The following CMYA5 variants were observed in gnomAD, a reference collection of about 807,000 sequenced individuals.
The protein encoded by CMYA5 is cardiomyopathy associated 5, also known as cardiomyopathy-associated protein 5.
Under a neutral mutation model 318.9 loss-of-function variants are expected in CMYA5, and 246 were observed. The observed-to-expected ratio is 0.77, with a 90% confidence interval of 0.70 to 0.86. CMYA5 has a LOEUF of 0.86. Among genes scored for constraint, CMYA5 ranks in the 40% least tolerant of loss-of-function variants. CMYA5 has a pLI of 0.00. For missense variants in CMYA5, 4,589 were observed against 4,678.2 expected (o/e 0.98, Z 0.56); for synonymous variants, 1,641 against 1,729.5 (o/e 0.95, Z 1.27).
At chr5:79,778,811 CTGTGTG>C (rs35461782) in intron 9 of CMYA5, among the ~76,000 whole-genome samples, 13 of 85,014 alleles carry the variant, frequency 1.5e-4, no homozygotes, top group African/African-American at 2.5e-4. Context: ...CTCTCTCTTT[CTGTGTG>C]TGTGTGTGTG....
intron 1 of CMYA5, among the ~76,000 whole-genome samples, chr5:79,703,313 G>A (rs529442604): frequency 2.6e-5 from 4 of 152,160 alleles, no homozygotes; most frequent in African/African-American, 4.8e-5. Context: ...ACCATATGAG[G>A]TTGAAGTTTT....
chr5:79,760,441 A>C (rs1228603979), intron 7 of CMYA5, among the ~76,000 whole-genome samples: 1 of 152,192 alleles, frequency 6.6e-6, no homozygotes, highest in Non-Finnish European at 1.5e-5. Context: ...TGGGTAATTT[A>C]TGAAGAAGAG....
chr5:79,755,264 C>A (rs1828504424), intron 6 of CMYA5, among the ~76,000 whole-genome samples: 1 of 151,936 alleles, frequency 6.6e-6, no homozygotes, highest in Admixed American at 6.6e-5. Flanking sequence ...CCTAAACTTT[C>A]ATTTTGGTAT....
At chr5:79,717,595 A>G (rs767698614) in intron 1 of CMYA5, among the ~76,000 whole-genome samples, 33 of 152,180 alleles carry the variant, frequency 2.2e-4, no homozygotes, top group Non-Finnish European at 4.3e-4. Flanking sequence ...AAAGGCATGA[A>G]GAGTGAAGCC....
intron 6 of CMYA5, among the ~76,000 whole-genome samples, chr5:79,755,968 C>G (rs965035249): frequency 6.6e-6 from 1 of 152,174 alleles, no homozygotes; most frequent in African/African-American, 2.4e-5. Flanking sequence ...AAAGCAGATA[C>G]AGCTCCATGT....
chr5:79,718,925 T>C (rs1354869682), intron 1 of CMYA5, among the ~76,000 whole-genome samples: 1 of 152,174 alleles, frequency 6.6e-6, no homozygotes, highest in Non-Finnish European at 1.5e-5. Flanking sequence ...AGTCTCTCTG[T>C]AATAGACTCT....
Position 79,732,620 on chromosome 5 carries a change from A to G in CMYA5, c.3855A>G (p.Leu1285=), listed in dbSNP as rs1227146397. Residue 1285 remains leucine, a synonymous_variant, in exon 2 of 13, where the codon CTA becomes CTG. Coordinates refer to ENST00000446378, the MANE Select transcript of CMYA5 (RefSeq NM_153610.5). Reference sequence around the variant, plus strand: ...AAGTAATAAAACCATATTCACCTCTAAAGGAAACATCTTTATCTGGACCTG... The same window carrying G: ...AAGTAATAAAACCATATTCACCTCTGAAGGAAACATCTTTATCTGGACCTG... The part of the protein sequence containing the change: ...EPEVIKPYSP[L]KETSLSGPEA... 1.9e-6 allele frequency: 3 copies of G among 1,613,268 alleles called. No individual in the cohort carries two copies. Among genetic ancestry groups the G allele is most frequent in the Non-Finnish European group, 2.5e-6 (3 of 1,179,668 alleles).
At chr5:79,755,615 G>A (rs1828513511) in intron 6 of CMYA5, among the ~76,000 whole-genome samples, 1 of 152,110 alleles carries the variant, frequency 6.6e-6, no homozygotes, top group Admixed American at 6.5e-5. Context: ...GTTTATTACT[G>A]TAAAAGTGTA....
In CMYA5 at chr5:79,736,476, G is replaced by C; in HGVS notation, c.7711G>C (p.Glu2571Gln). Residue 2571 changes from glutamate (E) to glutamine (Q), a missense_variant, in exon 2 of 13, where the codon GAA becomes CAA. By Grantham distance (29) the Glu-to-Gln change is conservative. Coordinates refer to ENST00000446378, the MANE Select transcript of CMYA5 (RefSeq NM_153610.5). ...SVNVAESMSR[E>Q]SDISLGHSLG... ...GAATGTAGCCGAGTCTATGAGTAGA[G>C]AATCAGATATCTCTTTAGGTCATTC... 6.2e-7 allele frequency: 1 copy of C among 1,610,918 alleles called. No individual in the cohort carries two copies. The highest frequency in any genetic ancestry group is 8.5e-7 in the Non-Finnish European group (1 of 1,178,294).
chr5:79,763,055 T>C lies in CMYA5; in HGVS notation c.11408-7T>C, dbSNP rs1315945331. The C allele has an allele frequency of 6.2e-7, 1 of 1,610,018 alleles. No homozygotes were observed. The highest frequency in any genetic ancestry group is 1.1e-5 in the South Asian group (1 of 90,764). ...GCTCCACGACTGTCCTGACTCTCTT[T>C]CTGCAGCACCCTCCACCCCTGTGAT... On this transcript the variant is annotated splice_region_variant and splice_polypyrimidine_tract_variant and intron_variant, in intron 8 of 12. Transcript: ENST00000446378.
chr5:79,734,507 G>A lies in CMYA5; in HGVS notation c.5742G>A (p.Val1914=). 1.2e-6 allele frequency: 2 copies of A among 1,613,744 alleles called. No individual in the cohort carries two copies. Among genetic ancestry groups the A allele is most frequent in the Non-Finnish European group, 1.7e-6 (2 of 1,179,752 alleles). The change falls in exon 2 of 13, where the codon GTG becomes GTA. Residue 1914 remains valine, a synonymous_variant. Transcript: ENST00000446378. ...SQHEQRIAGS[V]QLDSSSSNEL... Reference sequence around the variant, plus strand: ...ACGAACAGAGAATAGCAGGATCTGTGCAGCTGGATTCCTCTAGCAGCAATG... The same window carrying A: ...ACGAACAGAGAATAGCAGGATCTGTACAGCTGGATTCCTCTAGCAGCAATG...
intron 1 of CMYA5, among the ~76,000 whole-genome samples, chr5:79,690,657 C>G (rs899418993): frequency 3.3e-5 from 5 of 152,164 alleles, no homozygotes; most frequent in Non-Finnish European, 5.9e-5. Context: ...GCACCTCCCA[C>G]CCTTCGATCT....
chr5:79,692,604 C>T (rs1053710927), intron 1 of CMYA5, among the ~76,000 whole-genome samples: 4 of 152,164 alleles, frequency 2.6e-5, no homozygotes, highest in Non-Finnish European at 5.9e-5. Context: ...AAAATCCTGT[C>T]CTCTTTGAGC....
intron 1 of CMYA5, among the ~76,000 whole-genome samples, chr5:79,698,242 A>T (rs964980151): frequency 6.6e-6 from 1 of 152,170 alleles, no homozygotes; most frequent in Non-Finnish European, 1.5e-5. Context: ...AAGAGCTTCA[A>T]TAAATCCCCT....
At chr5:79,751,479 C>T (rs141937619) in intron 5 of CMYA5, among the ~76,000 whole-genome samples, 1 of 152,268 alleles carries the variant, frequency 6.6e-6, no homozygotes, top group Admixed American at 6.5e-5. Flanking sequence ...TCCCCTAAAT[C>T]AAATGATAGT....
chr5:79,734,676 A>G lies in CMYA5; in HGVS notation c.5911A>G (p.Asn1971Asp). Residue 1971 changes from asparagine (N) to aspartate (D), a missense_variant, in exon 2 of 13, where the codon AAT becomes GAT. By Grantham distance (23) the Asn-to-Asp change is conservative. Around this residue, in one of 3 missense-constraint regions of CMYA5, gnomAD observed 2,431 missense variants for 2,495.1 expected, o/e 0.97. Transcript: ENST00000446378. Reference sequence around the variant, plus strand: ...ATCTGCTCTTGATACTTCCAGTGGTAATACAGAGACCTTATCAAGTAAAAG... The same window carrying G: ...ATCTGCTCTTGATACTTCCAGTGGTGATACAGAGACCTTATCAAGTAAAAG... ...AVSALDTSSGNTETLSSKSYS... is the reference protein window; with the variant it reads ...AVSALDTSSGDTETLSSKSYS... The G allele has an allele frequency of 1.2e-6, 2 of 1,613,866 alleles. No homozygotes were observed. The highest frequency in any genetic ancestry group is 8.5e-7 in the Non-Finnish European group (1 of 1,179,790).
intron 11 of CMYA5, 45 bp downstream of exon 11, chr5:79,791,114 A>T: frequency 1.5e-6 from 2 of 1,350,502 alleles, no homozygotes; most frequent in South Asian, 1.2e-5. Context: ...GCCCAGCAGT[A>T]GGGTCTTAGG....
At chr5:79,706,713 T>C (rs1419292073) in intron 1 of CMYA5, among the ~76,000 whole-genome samples, 6 of 151,994 alleles carry the variant, frequency 3.9e-5, no homozygotes, top group African/African-American at 1.2e-4. Flanking sequence ...CGTCCATTCA[T>C]AGGCTCTCTG....
chr5:79,729,342 A>G lies in CMYA5; in HGVS notation c.577A>G (p.Arg193Gly), dbSNP rs939604414. Residue 193 changes from arginine to glycine, a missense_variant, in exon 2 of 13, where the codon AGA becomes GGA. Coordinates refer to ENST00000446378, the MANE Select transcript of CMYA5 (RefSeq NM_153610.5). ...ATATACTGGCATTTATGATAAAGCA[A>G]GAAAAAAGAAGACCACTTCAAATAC... ...KSYTGIYDKA[R>G]KKKTTSNTPP... is the part of the protein sequence containing the mutation. 1 of 1,612,620 alleles carries G rather than the reference A, an allele frequency of 6.2e-7. No individual in the cohort carries two copies. The highest frequency in any genetic ancestry group is 1.1e-5 in the South Asian group (1 of 90,582).
Sources: gnomAD v4.1 joint callset for allele counts (sites outside exome capture counted in the v4.1 genomes callset) on GRCh38, gnomAD v4.1.1 for gene constraint, gnomAD v4.1.1 regional missense constraint, MANE v1.5 for transcripts, NCBI Gene and HGNC (gene_info 2026-07-23, HGNC 2026-07-21) for gene names.